SLCO5A1: variants seen among roughly 807,000 people sequenced by gnomAD.
SLCO5A1 encodes the protein organic anion transporter polypeptide-related protein 4.
SLCO5A1 carries 39 observed loss-of-function variants against 65.1 expected under a neutral mutation model. That is an observed-to-expected ratio of 0.60 (90% CI 0.46 to 0.78). The LOEUF (loss-of-function observed/expected upper bound fraction) is 0.78, where lower values mean the gene tolerates loss of function less well. SLCO5A1 is among the 30% of genes least tolerant of loss of function. The pLI, the probability that SLCO5A1 is intolerant of heterozygous loss-of-function variation, is 0.00. For missense variants in SLCO5A1, 1,029 were observed against 1,069.4 expected (o/e 0.96, Z 0.53); for synonymous variants, 438 against 415.7 (o/e 1.05, Z -0.65).
chr8:69,820,406 T>A (rs927817013), intron 2 of SLCO5A1, among the ~76,000 whole-genome samples: 1 of 152,228 alleles, frequency 6.6e-6, no homozygotes, highest in Non-Finnish European at 1.5e-5. Context: ...GTACACATGG[T>A]TATATGGTTC....
At chr8:69,697,632 G>A (rs576759945) in intron 6 of SLCO5A1, among the ~76,000 whole-genome samples, 19 of 151,992 alleles carry the variant, frequency 1.3e-4, no homozygotes, top group African/African-American at 4.3e-4. Context: ...TTATAAGAAG[G>A]CTCCATCCAT....
At position 69,743,022 on chromosome 8, in the gene SLCO5A1, G is replaced by T. The variant is rs531161078; in HGVS notation, c.1259-4818C>A. Among the ~76,000 whole-genome samples the T allele has an allele frequency of 2.2e-4, 33 of 152,004 alleles. 1 individual carries two copies. In the South Asian group the frequency reaches 6.2e-3, roughly 29 times the overall value. On this transcript the variant is annotated intron_variant, in intron 4 of 9. Transcript: ENST00000260126. ...TCACCATGTTAGCCAGGATGGTCTC[G>T]ATCTCCTGACCTTGTGATCTGCCCG...
chr8:69,743,911 G>A (rs191301615), intron 4 of SLCO5A1, among the ~76,000 whole-genome samples: 26 of 152,310 alleles, frequency 1.7e-4, no homozygotes, highest in South Asian at 2.1e-4. Flanking sequence ...TAGGCAGGGA[G>A]TATGAAGATT....
At chr8:69,704,988 C>T (rs1201552022) in intron 6 of SLCO5A1, 43 bp downstream of exon 6, 5 of 1,577,054 alleles carry the variant, frequency 3.2e-6, no homozygotes, top group Admixed American at 3.3e-5. Context: ...GGGCTTTGCA[C>T]CTCCATCGTG....
At chr8:69,688,284 C>T (rs895570729) in intron 6 of SLCO5A1, among the ~76,000 whole-genome samples, 12 of 152,046 alleles carry the variant, frequency 7.9e-5, no homozygotes, top group African/African-American at 2.7e-4. Context: ...CAGAAACTTC[C>T]GTTAAAATTA....
At chr8:69,733,823 C>A (rs1816438962) in intron 5 of SLCO5A1, among the ~76,000 whole-genome samples, 1 of 152,210 alleles carries the variant, frequency 6.6e-6, no homozygotes, top group Non-Finnish European at 1.5e-5. Flanking sequence ...TCAAATAAAC[C>A]ACTTTTCTTT....
intron 2 of SLCO5A1, among the ~76,000 whole-genome samples, chr8:69,811,931 C>T (rs1390652389): frequency 6.6e-6 from 1 of 152,182 alleles, no homozygotes; most frequent in Non-Finnish European, 1.5e-5. Flanking sequence ...CCCCAGGGGC[C>T]ACTCTCTTAA....
intron 6 of SLCO5A1, among the ~76,000 whole-genome samples, chr8:69,688,094 C>A (rs535096632): frequency 6.6e-6 from 1 of 152,004 alleles, no homozygotes; most frequent in Admixed American, 6.5e-5. Context: ...TTTTATCCCC[C>A]TGATACTCCT....
At chr8:69,763,478 G>A (rs369476731) in intron 2 of SLCO5A1, among the ~76,000 whole-genome samples, 136 of 151,786 alleles carry the variant, frequency 9.0e-4, no homozygotes, top group African/African-American at 3.2e-3. Flanking sequence ...AGCCAGGCAT[G>A]GTGATGCATA....
chr8:69,829,136 T>C (rs1821053772), intron 2 of SLCO5A1, among the ~76,000 whole-genome samples: 1 of 152,170 alleles, frequency 6.6e-6, no homozygotes, highest in Non-Finnish European at 1.5e-5. Context: ...AACCAAATGA[T>C]TAAACTTAAC....
chr8:69,771,086 G>A (rs2130873497), intron 2 of SLCO5A1, among the ~76,000 whole-genome samples: 1 of 152,250 alleles, frequency 6.6e-6, no homozygotes, highest in Non-Finnish European at 1.5e-5. Flanking sequence ...CCGGGTTCAA[G>A]CGATTCTCCT....
rs1024705976 is a variant in SLCO5A1, at chr8:69,671,418, T to G, written c.*1451A>C. 1.3e-5 allele frequency: 2 copies of G among 152,220 alleles called. No individual in the cohort carries two copies. Among genetic ancestry groups the G allele is most frequent in the African/African-American group, 4.8e-5 (2 of 41,438 alleles). The allele number at this position is 152,220 out of a possible 1,614,324, so 9.4% of individuals were successfully genotyped here. On this transcript the variant is annotated 3_prime_UTR_variant, in exon 10 of 10. Transcript: ENST00000260126. ...GCTCCTTGGCAGAAAAAGTTCACAA[T>G]TATATCAGCATTTGGCCCTTACACT...
intron 2 of SLCO5A1, among the ~76,000 whole-genome samples, chr8:69,831,380 T>C (rs1018468688): frequency 2.6e-5 from 4 of 152,064 alleles, no homozygotes; most frequent in South Asian, 2.1e-4. Context: ...CAGCAGCAGA[T>C]AGAAGCAGAA....
intron 2 of SLCO5A1, among the ~76,000 whole-genome samples, chr8:69,762,258 C>G (rs1817830349): frequency 6.6e-6 from 1 of 151,502 alleles, no homozygotes; most frequent in Non-Finnish European, 1.5e-5. Flanking sequence ...GTGATCTCAG[C>G]TCACTGCAAG....
intron 2 of SLCO5A1, among the ~76,000 whole-genome samples, chr8:69,778,589 T>C (rs1818671270): frequency 6.6e-6 from 1 of 152,212 alleles, no homozygotes. Context: ...CAGTTTTCTC[T>C]AATTGAATAC....
intron 6 of SLCO5A1, among the ~76,000 whole-genome samples, chr8:69,683,472 TG>T (rs959234154): frequency 5.9e-5 from 9 of 152,184 alleles, no homozygotes; most frequent in African/African-American, 1.9e-4. Context: ...TAGCGAAGTT[TG>T]GGCTTTTAGT....
rs1261373838 is a variant in SLCO5A1, at chr8:69,832,692, T to A, written c.-19A>T. On this transcript the variant is annotated 5_prime_UTR_variant, in exon 2 of 10. Transcript: ENST00000260126. The surrounding 1 kb of genome is among the most constrained non-coding windows in gnomAD (Gnocchi z 4.5). ...CGTCCATGGCGCTTAGAATTCAGATTTGATAGCTGATGGCACCCAAGCACT... is the reference window on the plus strand; with the variant it reads ...CGTCCATGGCGCTTAGAATTCAGATATGATAGCTGATGGCACCCAAGCACT... The A allele has an allele frequency of 2.5e-6, 4 of 1,574,494 alleles. No homozygotes were observed. In the East Asian group the frequency reaches 9.0e-5, roughly 35 times the overall value.
chr8:69,771,719 C>T (rs763182305), intron 2 of SLCO5A1, among the ~76,000 whole-genome samples: 5 of 152,178 alleles, frequency 3.3e-5, no homozygotes, highest in African/African-American at 7.2e-5. Context: ...AGATGCCCCT[C>T]GGGCTCATCC....
Position 69,755,545 on chromosome 8 carries a change from C to G in SLCO5A1, c.1137G>C (p.Lys379Asn). Residue 379 changes from lysine (K) to asparagine (N), a missense_variant, in exon 4 of 10, where the codon AAG becomes AAC. Around this residue, in one of 3 missense-constraint regions of SLCO5A1, gnomAD observed 647 missense variants for 647.5 expected, o/e 1.00. Coordinates refer to ENST00000260126, the MANE Select transcript of SLCO5A1 (RefSeq NM_030958.3). Reference sequence around the variant, plus strand: ...CATCAACAGAAAATTTTTTCTTTTTCTTTTTCTTGTGTCGAGGTGGAAGCT... The same window carrying G: ...CATCAACAGAAAATTTTTTCTTTTTGTTTTTCTTGTGTCGAGGTGGAAGCT... ...PKKLPPRHKK[K>N]KKKKFSVDAV... 6.2e-7 allele frequency: 1 copy of G among 1,613,940 alleles called. No individual in the cohort carries two copies. The highest frequency in any genetic ancestry group is 8.5e-7 in the Non-Finnish European group (1 of 1,179,952).
Sources: gnomAD v4.1 joint callset for allele counts (sites outside exome capture counted in the v4.1 genomes callset) on GRCh38, gnomAD v4.1.1 for gene constraint, gnomAD v4.1.1 regional missense constraint, Gnocchi (gnomAD v3.1) non-coding constraint, MANE v1.5 for transcripts, NCBI Gene and HGNC (gene_info 2026-07-23, HGNC 2026-07-21) for gene names.